The following NOVA1 variants were observed in gnomAD, a reference collection of about 807,000 sequenced individuals.
The protein encoded by NOVA1 is RNA-binding protein Nova-1.
A neutral mutation model predicts 38.0 loss-of-function variants in NOVA1; 7 were observed. The observed-to-expected ratio is 0.18, with a 90% CI of 0.10 to 0.35. The LOEUF is 0.35. Ranked by LOEUF, NOVA1 falls within the 10% of genes least tolerant of loss-of-function variation. The pLI, the probability that NOVA1 is intolerant of heterozygous loss-of-function variation, is 1.00. For missense variants in NOVA1, 460 were observed against 616.0 expected, an observed-to-expected ratio of 0.75 and a Z score of 2.68; for synonymous variants, 270 against 232.5, an observed-to-expected ratio of 1.16 and a Z score of -1.47.
intron 2 of NOVA1, among the ~76,000 whole-genome samples, chr14:26,509,413 G>T (rs961006524): frequency 1.3e-5 from 2 of 152,076 alleles, no homozygotes; most frequent in African/African-American, 4.8e-5. Context: ...ACATTTTAAA[G>T]ATAAAATTGT....
intron 2 of NOVA1, among the ~76,000 whole-genome samples, chr14:26,577,948 G>C (rs538896794): frequency 2.0e-5 from 3 of 151,678 alleles, no homozygotes; most frequent in Admixed American, 2.0e-4. Flanking sequence ...TACTGGATTG[G>C]ATCACCAAGG....
chr14:26,536,223 C>A (rs1278425731), intron 2 of NOVA1, among the ~76,000 whole-genome samples: 2 of 147,356 alleles, frequency 1.4e-5, no homozygotes, highest in Non-Finnish European at 3.0e-5. Flanking sequence ...GGGTGGTGGG[C>A]GGTTGGGGAG....
chr14:26,595,574 T>A, intron 1 of NOVA1, 21 bp from the exon 2 acceptor site: 1 of 1,609,390 alleles, frequency 6.2e-7, no homozygotes, highest in Non-Finnish European at 8.5e-7. Context: ...CAAAGAAATA[T>A]ACTCGGTTAA....
At chr14:26,461,088 G>C (rs549134380) in intron 4 of NOVA1, among the ~76,000 whole-genome samples, 6 of 152,232 alleles carry the variant, frequency 3.9e-5, no homozygotes, top group Admixed American at 3.3e-4. Flanking sequence ...AAACTTTGAT[G>C]AAACAGAGAA....
chr14:26,556,507 C>A (rs1225023661), intron 2 of NOVA1, among the ~76,000 whole-genome samples: 1 of 152,054 alleles, frequency 6.6e-6, no homozygotes, highest in Admixed American at 6.6e-5. Context: ...AAACCTTTCA[C>A]AAAAATTAAC....
intron 2 of NOVA1, among the ~76,000 whole-genome samples, chr14:26,486,052 T>A (rs539433837): frequency 6.6e-6 from 1 of 152,222 alleles, no homozygotes; most frequent in South Asian, 2.1e-4. Flanking sequence ...TGCTACTTAT[T>A]ATGCAGAGAA....
chr14:26,597,203 GA>G, intron 1 of NOVA1, 97 bp downstream of exon 1: 1 of 1,041,012 alleles, frequency 9.6e-7, no homozygotes, highest in Non-Finnish European at 1.2e-6. Flanking sequence ...CGGGCCGCGG[GA>G]GGGAGGGAGG....
At chr14:26,488,645 A>G (rs1886099964) in intron 2 of NOVA1, among the ~76,000 whole-genome samples, 1 of 152,206 alleles carries the variant, frequency 6.6e-6, no homozygotes, top group Non-Finnish European at 1.5e-5. Flanking sequence ...GGATCACTAT[A>G]GCAATCCTAG....
At chr14:26,557,532 T>TC (rs2096036141) in intron 2 of NOVA1, among the ~76,000 whole-genome samples, 1 of 151,294 alleles carries the variant, frequency 6.6e-6, no homozygotes, top group Non-Finnish European at 1.5e-5. Context: ...TGGCTAATTT[T>TC]TTTTTTTTTT....
chr14:26,464,260 G>A (rs1883937849), intron 4 of NOVA1, among the ~76,000 whole-genome samples: 1 of 152,186 alleles, frequency 6.6e-6, no homozygotes, highest in Non-Finnish European at 1.5e-5. Flanking sequence ...AGTTCCTACT[G>A]CCTAGTGATG....
At chr14:26,515,422 T>C (rs552224336) in intron 2 of NOVA1, among the ~76,000 whole-genome samples, 15 of 152,034 alleles carry the variant, frequency 9.9e-5, no homozygotes, top group Non-Finnish European at 1.6e-4. Flanking sequence ...ATATAAACTT[T>C]ATTTTCTTAC....
chr14:26,567,860 A>G (rs1490716804), intron 2 of NOVA1, among the ~76,000 whole-genome samples: 1 of 152,206 alleles, frequency 6.6e-6, no homozygotes, highest in Non-Finnish European at 1.5e-5. Flanking sequence ...CCATTTGGTT[A>G]TCAACAAAGC....
chr14:26,516,700 C>G (rs1391403249), intron 2 of NOVA1, among the ~76,000 whole-genome samples: 1 of 152,106 alleles, frequency 6.6e-6, no homozygotes, highest in Non-Finnish European at 1.5e-5. Flanking sequence ...CTCTATTGAA[C>G]AGTGTTTTTT....
Position 26,597,510 on chromosome 14 carries a change from T to TTC in NOVA1, c.-75_-74insGA, listed in dbSNP as rs1894281333. On this transcript the variant is annotated 5_prime_UTR_variant, in exon 1 of 5. Coordinates refer to ENST00000539517, the MANE Select transcript of NOVA1 (RefSeq NM_002515.3). The stretch of plus-strand genomic sequence containing the variant: ...TTGGCTTTTTCTTTTCTTTTTTCTT[T>TTC]TTTTTTTTTTTTTTTTTTTGCGTTT... The TTC allele has an allele frequency of 4.5e-6, 4 of 892,834 alleles. No individual in the cohort carries two copies. The highest frequency in any genetic ancestry group is 5.5e-6 in the Non-Finnish European group (4 of 722,394). The allele number at this position is 892,834 out of a possible 1,614,324, so 55.3% of individuals were successfully genotyped here.
At chr14:26,558,769 G>T (rs1374096358) in intron 2 of NOVA1, among the ~76,000 whole-genome samples, 5 of 152,010 alleles carry the variant, frequency 3.3e-5, no homozygotes, top group Admixed American at 2.6e-4. Context: ...ATTTCAGAAA[G>T]CCAGATAATG....
intron 2 of NOVA1, among the ~76,000 whole-genome samples, chr14:26,498,412 T>C (rs1327675399): frequency 6.6e-6 from 1 of 152,142 alleles, no homozygotes; most frequent in Non-Finnish European, 1.5e-5. Flanking sequence ...TATTAATTAT[T>C]TACTGAGTAT....
At chr14:26,455,407 TG>T (rs1883082344) in intron 4 of NOVA1, among the ~76,000 whole-genome samples, 1 of 152,102 alleles carries the variant, frequency 6.6e-6, no homozygotes, top group Admixed American at 6.6e-5. Flanking sequence ...CTCTGCTATG[TG>T]ACCTTTCTCA....
intron 3 of NOVA1, among the ~76,000 whole-genome samples, chr14:26,478,147 A>C (rs1885141004): frequency 6.6e-6 from 1 of 151,944 alleles, no homozygotes; most frequent in Non-Finnish European, 1.5e-5. Context: ...GGCAAATAAA[A>C]ATAAAGCAAA....
At chr14:26,595,331 T>G in intron 2 of NOVA1, 79 bp downstream of exon 2, 1 of 1,409,926 alleles carries the variant, frequency 7.1e-7, no homozygotes, top group East Asian at 2.3e-5. Context: ...AAAAATTCTT[T>G]CAAGACAGCA....
Sources: allele counts gnomAD v4.1 joint callset (sites outside exome capture counted in the v4.1 genomes callset), GRCh38; gene constraint gnomAD v4.1.1; transcripts MANE v1.5; gene names NCBI Gene and HGNC (gene_info 2026-07-23, HGNC 2026-07-21).